DLGAP3: variants seen among roughly 807,000 people sequenced by gnomAD.
DLGAP3 encodes disks large-associated protein 3.
Under a neutral mutation model 81.2 loss-of-function variants are expected in DLGAP3, and 17 were observed. That is an observed-to-expected ratio of 0.21 (90% CI 0.14 to 0.31). The LOEUF (loss-of-function observed/expected upper bound fraction) is 0.31. Ranked by LOEUF, DLGAP3 falls within the 10% of genes least tolerant of loss-of-function variation. The pLI, the probability that DLGAP3 is intolerant of heterozygous loss-of-function variation, is 1.00. For missense variants in DLGAP3, 1,124 were observed against 1,388.0 expected (o/e 0.81, Z 3.02); for synonymous variants, 577 against 587.4 (o/e 0.98, Z 0.26).
At chr1:34,866,708 A>T (rs543185921) in intron 11 of DLGAP3, among the ~76,000 whole-genome samples, 53 of 152,152 alleles carry the variant, frequency 3.5e-4, no homozygotes, top group African/African-American at 1.1e-3. Flanking sequence ...TCTGCCGTCG[A>T]TGCCTAGGCC....
chr1:34,866,999 G>A (rs903260410), intron 11 of DLGAP3, 49 bp downstream of exon 11: 2 of 1,610,208 alleles, frequency 1.2e-6, no homozygotes, highest in Non-Finnish European at 1.7e-6. Flanking sequence ...TCTGGGGAGG[G>A]GAATTTCCCA....
chr1:34,886,824 T>C (rs1166267214), intron 5 of DLGAP3, among the ~76,000 whole-genome samples: 1 of 150,540 alleles, frequency 6.6e-6, no homozygotes, highest in African/African-American at 2.4e-5. Flanking sequence ...ACTATATATA[T>C]ACACTACATG....
At position 34,869,109 on chromosome 1, in the gene DLGAP3, T is replaced by C; in HGVS notation, c.2001-20A>G. 6.4e-7 allele frequency: 1 copy of C among 1,552,652 alleles called. No individual in the cohort carries two copies. Among genetic ancestry groups the C allele is most frequent in the Non-Finnish European group, 8.7e-7 (1 of 1,143,116 alleles). ...GCTCGCCTGGGGAGAGGGGTGGCTGTCATCCCCCATTGCCCAGGCTCATGC... is the reference window on the plus strand; with the variant it reads ...GCTCGCCTGGGGAGAGGGGTGGCTGCCATCCCCCATTGCCCAGGCTCATGC... On this transcript the variant is annotated intron_variant, in intron 8 of 11. Transcript: ENST00000373347.
chr1:34,896,358 G>C (rs1330560713), intron 5 of DLGAP3, among the ~76,000 whole-genome samples: 1 of 152,128 alleles, frequency 6.6e-6, no homozygotes, highest in Non-Finnish European at 1.5e-5. Context: ...AGGCCAAGGT[G>C]AGTGGATCAC....
intron 5 of DLGAP3, among the ~76,000 whole-genome samples, chr1:34,893,590 A>G (rs1639345517): frequency 6.6e-6 from 1 of 152,208 alleles, no homozygotes; most frequent in Admixed American, 6.5e-5. Flanking sequence ...TTGGTTTATA[A>G]CAAGTGTTAG....
chr1:34,892,001 A>G (rs1484091601), intron 5 of DLGAP3, among the ~76,000 whole-genome samples: 1 of 152,252 alleles, frequency 6.6e-6, no homozygotes, highest in Non-Finnish European at 1.5e-5. Flanking sequence ...GAAACATGCA[A>G]ATAAACAAGA....
rs1380796183 is a variant in DLGAP3 at position 34,905,362 on chromosome 1, G to T, written c.22C>A (p.Arg8=). Residue 8 remains arginine, a synonymous_variant, in exon 3 of 12, where the codon CGA becomes AGA. Transcript: ENST00000373347. MRGYHGD[R]GSHPRPARFA... ...CGGGCTGGGCGGGGATGGCTGCCTCGGTCGCCATGGTAACCCCTCATGGCC... is the reference window on the plus strand; with the variant it reads ...CGGGCTGGGCGGGGATGGCTGCCTCTGTCGCCATGGTAACCCCTCATGGCC... 4 of 1,554,622 alleles carry T rather than the reference G, an allele frequency of 2.6e-6. No individual in the cohort carries two copies. The African/African-American group carries it at 4.1e-5, about 16-fold the overall frequency.
At position 34,867,001 on chromosome 1, in the gene DLGAP3, A is replaced by G. The variant is rs781483551; in HGVS notation, c.2721+47T>C. ...CACCCTCCACCTCTCTGGGGAGGGG[A>G]ATTTCCCAGAGTCTGGCCTCTTTGC... On this transcript the variant is annotated intron_variant, in intron 11 of 11. Coordinates refer to ENST00000373347, the MANE Select transcript of DLGAP3 (RefSeq NM_001080418.3). This position sits in a 1 kb window ranked among gnomAD's most constrained non-coding sequence, Gnocchi z 4.3. 6.2e-7 allele frequency: 1 copy of G among 1,610,960 alleles called. No individual in the cohort carries two copies. Among genetic ancestry groups the G allele is most frequent in the Non-Finnish European group, 8.5e-7 (1 of 1,177,472 alleles).
chr1:34,908,291 G>A (rs1569651382), intron 1 of DLGAP3, among the ~76,000 whole-genome samples: 1 of 152,220 alleles, frequency 6.6e-6, no homozygotes, highest in East Asian at 1.9e-4. Context: ...GATGAGAATG[G>A]GACAAGATTC....
rs1023103151 is a variant in DLGAP3 at position 34,902,594 on chromosome 1, C to A, written c.1107+1683G>T. Among the ~76,000 whole-genome samples, 1 of 152,030 alleles carries A rather than the reference C, an allele frequency of 6.6e-6. No homozygotes were observed. The highest frequency in any genetic ancestry group is 1.9e-4 in the East Asian group (1 of 5,160). Reference sequence around the variant, plus strand: ...GGGTCCCTATAGCCCTTTGGTTCTTCCCCACATGGGCTCAGACTTCCCAGT... The same window carrying A: ...GGGTCCCTATAGCCCTTTGGTTCTTACCCACATGGGCTCAGACTTCCCAGT... On this transcript the variant is annotated intron_variant, in intron 3 of 11. Transcript: ENST00000373347. The surrounding 1 kb of genome is among the most constrained non-coding windows in gnomAD (Gnocchi z 4.4).
chr1:34,894,504 G>T (rs1402747515), intron 5 of DLGAP3, among the ~76,000 whole-genome samples: 1 of 152,174 alleles, frequency 6.6e-6, no homozygotes, highest in Non-Finnish European at 1.5e-5. Flanking sequence ...CAACCTGAGA[G>T]AAATTAAAAC....
intron 5 of DLGAP3, among the ~76,000 whole-genome samples, chr1:34,894,090 AG>A (rs1180437728): frequency 2.6e-5 from 4 of 152,142 alleles, no homozygotes; most frequent in African/African-American, 9.7e-5. Context: ...TGGGGAACTG[AG>A]GTGGGAGGAT....
At chr1:34,914,888 T>C (rs77837326) in intron 1 of DLGAP3, among the ~76,000 whole-genome samples, 4,190 of 152,296 alleles carry the variant, frequency 0.028, 185 homozygotes, top group African/African-American at 0.095. Context: ...TCTGTTTGCC[T>C]GGGCTTCTTT....
rs12754552 is a variant in DLGAP3 at position 34,888,567 on chromosome 1, A to G, written c.1387-2282T>C. Among the ~76,000 whole-genome samples, 69 of 152,316 alleles carry G rather than the reference A, an allele frequency of 4.5e-4. 1 individual carries two copies. Among genetic ancestry groups the G allele is most frequent in the Admixed American group, 2.6e-3 (40 of 15,312 alleles). On this transcript the variant is annotated intron_variant, in intron 5 of 11. Transcript: ENST00000373347. The stretch of plus-strand genomic sequence containing the variant: ...TGGAGATTTAGATTCGTTGGTTCCA[A>G]TGTGGGCCTACTAATTGAAAAGAAG...
chr1:34,897,786 G>A (rs1639400437), intron 5 of DLGAP3, among the ~76,000 whole-genome samples: 2 of 152,198 alleles, frequency 1.3e-5, no homozygotes, highest in Admixed American at 1.3e-4. Flanking sequence ...AAGAACCGGT[G>A]GCAGTGGAGA....
At chr1:34,894,554 C>T (rs1316859863) in intron 5 of DLGAP3, among the ~76,000 whole-genome samples, 1 of 152,150 alleles carries the variant, frequency 6.6e-6, no homozygotes, top group Non-Finnish European at 1.5e-5. Flanking sequence ...GACTCCTTAA[C>T]GGCAACAACA....
At chr1:34,869,500 T>G (rs1638946576) in intron 8 of DLGAP3, among the ~76,000 whole-genome samples, 1 of 149,688 alleles carries the variant, frequency 6.7e-6, no homozygotes, top group African/African-American at 2.5e-5. Flanking sequence ...TTTTTTTTTT[T>G]TTTTTGGAGA....
chr1:34,867,642 G>T lies in DLGAP3; in HGVS notation c.2486-15C>A, dbSNP rs1262329781. On this transcript the variant is annotated splice_polypyrimidine_tract_variant and intron_variant, in intron 9 of 11. Coordinates refer to ENST00000373347, the MANE Select transcript of DLGAP3 (RefSeq NM_001080418.3). The surrounding 1 kb of genome is among the most constrained non-coding windows in gnomAD (Gnocchi z 4.3). ...CTTCTCCAGGACTAGAAAGCAGAAG[G>T]AAATTCAGGGAGGGAAATGATGCAT... 6.3e-7 allele frequency: 1 copy of T among 1,597,614 alleles called. No homozygotes were observed. Among genetic ancestry groups the T allele is most frequent in the African/African-American group, 1.3e-5 (1 of 74,650 alleles).
At chr1:34,869,409 G>T (rs1383908510) in intron 8 of DLGAP3, among the ~76,000 whole-genome samples, 1 of 152,010 alleles carries the variant, frequency 6.6e-6, no homozygotes, top group Admixed American at 6.5e-5. Flanking sequence ...GCTAGATTGT[G>T]GGGTGGGCTA....
Sources: gnomAD v4.1 joint callset for allele counts (sites outside exome capture counted in the v4.1 genomes callset) on GRCh38, gnomAD v4.1.1 for gene constraint, Gnocchi (gnomAD v3.1) non-coding constraint, MANE v1.5 for transcripts, NCBI Gene and HGNC (gene_info 2026-07-23, HGNC 2026-07-21) for gene names.